UBE2F: variants seen among roughly 807,000 people sequenced by gnomAD.
UBE2F encodes ubiquitin conjugating enzyme E2 F (putative).
UBE2F carries 5 observed loss-of-function variants against 29.6 expected under a neutral mutation model. That is an observed-to-expected ratio of 0.17 (90% CI 0.09 to 0.36). UBE2F has a LOEUF of 0.36. Ranked by LOEUF, UBE2F falls within the 10% of genes least tolerant of loss-of-function variation. The probability of loss-of-function intolerance (pLI) is 1.00; values close to 1 mark genes in which losing one functional copy is unlikely to be tolerated. For synonymous variants in UBE2F, 66 were observed against 81.8 expected (o/e 0.81, Z 1.04); for missense variants, 141 against 228.5 (o/e 0.62, Z 2.47).
chr2:237,968,236 G>A (rs2063100511), intron 1 of UBE2F, among the ~76,000 whole-genome samples: 1 of 152,144 alleles, frequency 6.6e-6, no homozygotes, highest in Admixed American at 6.6e-5. Context: ...ATCACACCAA[G>A]CTTAGTGCTG....
chr2:237,989,667 A>G (rs1441961343), intron 3 of UBE2F, among the ~76,000 whole-genome samples: 3 of 152,194 alleles, frequency 2.0e-5, no homozygotes, highest in East Asian at 3.9e-4. Context: ...GATTATTTTC[A>G]GCATATAGAA....
At chr2:238,009,526 C>G (rs1480497999) in intron 4 of UBE2F, among the ~76,000 whole-genome samples, 2 of 152,174 alleles carry the variant, frequency 1.3e-5, no homozygotes, top group African/African-American at 2.4e-5. Context: ...ACTGTATTTT[C>G]TAGCTGTTGA....
intron 8 of UBE2F, 153 bp from the exon 9 acceptor site, chr2:238,035,725 T>C (rs1326639790): frequency 1.0e-5 from 6 of 584,486 alleles, no homozygotes; most frequent in African/African-American, 7.5e-5. Flanking sequence ...TATTTTGGTA[T>C]CACAAGCACT....
At chr2:238,031,605 C>T (rs1368387004) in intron 7 of UBE2F, among the ~76,000 whole-genome samples, 1 of 152,172 alleles carries the variant, frequency 6.6e-6, no homozygotes, top group East Asian at 1.9e-4. Context: ...GGACGAAACT[C>T]TTGAGTTGAT....
chr2:237,970,825 A>G (rs1310351887), intron 1 of UBE2F, among the ~76,000 whole-genome samples: 1 of 152,176 alleles, frequency 6.6e-6, no homozygotes, highest in Non-Finnish European at 1.5e-5. Flanking sequence ...CTTCTGCCTC[A>G]GCCTCCTGAG....
chr2:237,974,945 G>A (rs545125049), intron 2 of UBE2F, among the ~76,000 whole-genome samples: 1 of 147,680 alleles, frequency 6.8e-6, no homozygotes, highest in Admixed American at 6.8e-5. Context: ...CACTGTGCCC[G>A]GCCATAAATG....
chr2:237,993,267 T>C (rs1464040203), intron 3 of UBE2F, among the ~76,000 whole-genome samples: 1 of 152,224 alleles, frequency 6.6e-6, no homozygotes, highest in Non-Finnish European at 1.5e-5. Flanking sequence ...ATTACAGACA[T>C]GATCCACCAT....
chr2:238,020,551 A>G (rs969735971), intron 5 of UBE2F, among the ~76,000 whole-genome samples: 2 of 152,232 alleles, frequency 1.3e-5, no homozygotes, highest in African/African-American at 4.8e-5. Flanking sequence ...CAGTTCCTGC[A>G]GTGAAGGTCT....
intron 2 of UBE2F, among the ~76,000 whole-genome samples, chr2:237,975,247 G>A (rs1347181032): frequency 1.3e-5 from 2 of 151,902 alleles, no homozygotes; most frequent in African/African-American, 4.8e-5. Flanking sequence ...GACTACAAGC[G>A]TGCACCACCA....
intron 6 of UBE2F, among the ~76,000 whole-genome samples, chr2:238,030,083 C>G (rs1396535777): frequency 6.6e-6 from 1 of 152,014 alleles, no homozygotes; most frequent in East Asian, 1.9e-4. Flanking sequence ...GCGTGCACCA[C>G]TATGCCTGGC....
At chr2:238,014,468 A>G (rs1173746430) in intron 4 of UBE2F, among the ~76,000 whole-genome samples, 1 of 152,234 alleles carries the variant, frequency 6.6e-6, no homozygotes, top group East Asian at 1.9e-4. Context: ...AGTGATAATC[A>G]TATTAGACCA....
intron 2 of UBE2F, among the ~76,000 whole-genome samples, chr2:237,978,454 C>T (rs184589250): frequency 1.3e-4 from 20 of 152,270 alleles, no homozygotes; most frequent in Admixed American, 1.2e-3. Flanking sequence ...AGAGTGAGCC[C>T]AGTTCTGAAC....
chr2:237,973,403 C>A (rs541401508), intron 2 of UBE2F, among the ~76,000 whole-genome samples, 178 bp downstream of exon 2: 1 of 152,300 alleles, frequency 6.6e-6, no homozygotes, highest in South Asian at 2.1e-4. Flanking sequence ...GTGATATGAG[C>A]ACACTGTTGC....
chr2:238,016,523 T>A (rs951333674), intron 4 of UBE2F, 43 bp from the exon 5 acceptor site: 6 of 1,521,820 alleles, frequency 3.9e-6, no homozygotes, highest in Non-Finnish European at 5.4e-6. Flanking sequence ...CTTTTTTTTT[T>A]AATTTAAAGG....
chr2:238,012,948 A>T (rs962328338), intron 4 of UBE2F, among the ~76,000 whole-genome samples: 1 of 152,212 alleles, frequency 6.6e-6, no homozygotes. Context: ...GAACCAGGAC[A>T]TACTATTTAT....
chr2:238,022,380 G>A (rs1237617279), intron 5 of UBE2F, among the ~76,000 whole-genome samples: 2 of 151,904 alleles, frequency 1.3e-5, no homozygotes, highest in Non-Finnish European at 2.9e-5. Flanking sequence ...TTTCCATTGG[G>A]GATATTTGTT....
At chr2:238,022,170 C>G (rs867437999) in intron 5 of UBE2F, among the ~76,000 whole-genome samples, 415 of 38,986 alleles carry the variant, frequency 0.011, 2 homozygotes, top group Non-Finnish European at 0.012. Flanking sequence ...CTTTTCTTTT[C>G]TTTTCTTTTT....
chr2:237,994,867 C>G (rs1222084201), intron 4 of UBE2F, 58 bp downstream of exon 4: 17 of 1,387,540 alleles, frequency 1.2e-5, no homozygotes, highest in Non-Finnish European at 1.7e-5. Context: ...AAAGGCTGCC[C>G]AAACCTGTAA....
At chr2:238,036,468 C>A (rs796542595) in intron 9 of UBE2F, among the ~76,000 whole-genome samples, 11 of 136,106 alleles carry the variant, frequency 8.1e-5, no homozygotes, top group African/African-American at 2.7e-4. Context: ...GCATGAGCTA[C>A]GGCGCCCAGC....
Sources: gnomAD v4.1 joint callset for allele counts (sites outside exome capture counted in the v4.1 genomes callset) on GRCh38, gnomAD v4.1.1 for gene constraint, MANE v1.5 for transcripts, NCBI Gene and HGNC (gene_info 2026-07-23, HGNC 2026-07-21) for gene names.